Variants in DNAH11 observed in about 807,000 individuals in gnomAD.
DNAH11 encodes the protein dynein axonemal heavy chain 11.
DNAH11 carries 442 observed loss-of-function variants against 526.0 expected under a neutral mutation model. The observed-to-expected ratio is 0.84, with a 90% CI of 0.78 to 0.91. DNAH11 has a LOEUF of 0.91. DNAH11 is among the 40% of genes least tolerant of loss of function. The pLI is 0.00. For synonymous variants in DNAH11, 2,461 were observed against 1,935.9 expected (o/e 1.27, Z -7.12); for missense variants, 6,989 against 5,448.7 (o/e 1.28, Z -8.90).
At chr7:21,678,908 C>T (rs985499048) in intron 30 of DNAH11, among the ~76,000 whole-genome samples, 2 of 152,136 alleles carry the variant, frequency 1.3e-5, no homozygotes. Context: ...AAATCACTGT[C>T]TTGACAAGAT....
chr7:21,810,679 A>G (rs1789477621), intron 63 of DNAH11, among the ~76,000 whole-genome samples: 1 of 152,186 alleles, frequency 6.6e-6, no homozygotes, highest in South Asian at 2.1e-4. Context: ...CTTTCATCAG[A>G]ATACTCAAAG....
At chr7:21,586,783 A>T (rs1356527083) in intron 9 of DNAH11, among the ~76,000 whole-genome samples, 2 of 152,220 alleles carry the variant, frequency 1.3e-5, no homozygotes, top group African/African-American at 2.4e-5. Context: ...TTTCAGAGAA[A>T]ATACCTATAT....
chr7:21,819,151 T>A (rs1212053944), intron 65 of DNAH11, among the ~76,000 whole-genome samples: 1 of 152,150 alleles, frequency 6.6e-6, no homozygotes. Flanking sequence ...TTCACTGAGT[T>A]TCCTTCCCTC....
intron 45 of DNAH11, among the ~76,000 whole-genome samples, chr7:21,728,412 C>A (rs538264041): frequency 6.6e-6 from 1 of 152,034 alleles, no homozygotes; most frequent in Admixed American, 6.5e-5. Context: ...CAACCCACCA[C>A]CATGCCCGGC....
At position 21,624,624 on chromosome 7, in the gene DNAH11, T is replaced by C. The variant is rs150527820; in HGVS notation, c.4500+4546T>C. 1.7e-3 allele frequency among the ~76,000 whole-genome samples: 261 copies of C among 152,284 alleles called. 2 individuals carry two copies. Among genetic ancestry groups the C allele is most frequent in the Non-Finnish European group, 1.9e-3 (126 of 68,010 alleles). On this transcript the variant is annotated intron_variant, in intron 25 of 81. Coordinates refer to ENST00000409508, the MANE Select transcript of DNAH11 (RefSeq NM_001277115.2). Reference sequence around the variant, plus strand: ...GCATGAGAGTGGGCATCCTTATCTTTTTCCTGATTTTAGACAAAAAGCTTT... The same window carrying C: ...GCATGAGAGTGGGCATCCTTATCTTCTTCCTGATTTTAGACAAAAAGCTTT...
At chr7:21,759,355 AG>A (rs2128495855) in intron 54 of DNAH11, among the ~76,000 whole-genome samples, 1 of 152,368 alleles carries the variant, frequency 6.6e-6, no homozygotes, top group East Asian at 1.9e-4. Flanking sequence ...GCTATCTAAA[AG>A]GGAAATAAAT....
At chr7:21,556,730 G>A (rs921373175) in intron 2 of DNAH11, among the ~76,000 whole-genome samples, 5 of 152,082 alleles carry the variant, frequency 3.3e-5, no homozygotes, top group Non-Finnish European at 7.3e-5. Flanking sequence ...TTGTGCCCAT[G>A]TGTACTCAAT....
rs959583160 is a variant in DNAH11 at position 21,774,019 on chromosome 7, T to C, written c.9336+20T>C. The C allele has an allele frequency of 1.3e-6, 2 of 1,517,210 alleles. No homozygotes were observed. The highest frequency in any genetic ancestry group is 1.8e-6 in the Non-Finnish European group (2 of 1,131,234). The allele number at this position is 1,517,210 out of a possible 1,614,324, so 94.0% of individuals were successfully genotyped here. A position where few individuals can be genotyped will look rare whatever the true frequency, so the allele number is the denominator to read the frequency against. On this transcript the variant is annotated intron_variant, in intron 56 of 81. Coordinates refer to ENST00000409508, the MANE Select transcript of DNAH11 (RefSeq NM_001277115.2). ...TCTCAGGTATGACCAGGATGTGTTA[T>C]TACTGAGTAATATTTATGCTGTTTA...
chr7:21,566,717 T>A (rs1279032968), intron 6 of DNAH11, among the ~76,000 whole-genome samples: 1 of 152,164 alleles, frequency 6.6e-6, no homozygotes, highest in South Asian at 2.1e-4. Flanking sequence ...TAAGTTTTTT[T>A]AATGTCTGAA....
intron 8 of DNAH11, among the ~76,000 whole-genome samples, chr7:21,574,326 C>T (rs1159046577): frequency 6.6e-6 from 1 of 152,104 alleles, no homozygotes; most frequent in Non-Finnish European, 1.5e-5. Flanking sequence ...TAATGAGAGC[C>T]AGTTAATATT....
At chr7:21,824,853 C>T (rs556443677) in intron 65 of DNAH11, among the ~76,000 whole-genome samples, 1 of 152,136 alleles carries the variant, frequency 6.6e-6, no homozygotes. Flanking sequence ...CCTTCTGGCT[C>T]TAGTTCTTGC....
chr7:21,856,431 G>C (rs533427627), intron 68 of DNAH11, among the ~76,000 whole-genome samples: 66 of 152,322 alleles, frequency 4.3e-4, no homozygotes, highest in Non-Finnish European at 8.4e-4. Flanking sequence ...TGTGGTTGGA[G>C]TTTGAAAGTA....
At chr7:21,625,115 GTTC>G (rs1786267361) in intron 25 of DNAH11, among the ~76,000 whole-genome samples, 1 of 151,968 alleles carries the variant, frequency 6.6e-6, no homozygotes, top group African/African-American at 2.4e-5. Context: ...GTTAGTATTA[GTTC>G]TTCTTTAAAT....
chr7:21,543,368 CGAG>C lies in DNAH11; in HGVS notation c.131_133del (p.Glu44del), dbSNP rs1782659889. ...TGGAGCTCGAGGAGGAGGAGGAGAA[CGAG>C]GAGGAGGCGGCGGCCAGGAGAGCGC... On this transcript the variant is annotated inframe_deletion, in exon 1 of 82. Transcript: ENST00000409508. 5 of 1,551,690 alleles carry C rather than the reference CGAG, an allele frequency of 3.2e-6. No homozygotes were observed. The highest frequency in any genetic ancestry group is 1.4e-5 in the African/African-American group (1 of 73,202).
intron 34 of DNAH11, 121 bp downstream of exon 34, chr7:21,687,648 C>G: frequency 1.6e-6 from 2 of 1,279,170 alleles, no homozygotes; most frequent in African/African-American, 1.5e-5. Context: ...AAGGAAGATT[C>G]TGGTCGATTT....
intron 2 of DNAH11, among the ~76,000 whole-genome samples, chr7:21,553,529 G>C (rs544643814): frequency 6.6e-6 from 1 of 152,262 alleles, no homozygotes; most frequent in East Asian, 1.9e-4. Flanking sequence ...GATTTATTCA[G>C]GATTCCTGGT....
chr7:21,658,560 G>T (rs1217673924), intron 29 of DNAH11, among the ~76,000 whole-genome samples: 1 of 152,088 alleles, frequency 6.6e-6, no homozygotes, highest in African/African-American at 2.4e-5. Context: ...TTAGCCAGCT[G>T]GTGGGTAAAG....
chr7:21,839,390 T>A (rs943737266), intron 65 of DNAH11, among the ~76,000 whole-genome samples: 1 of 151,866 alleles, frequency 6.6e-6, no homozygotes, highest in African/African-American at 2.4e-5. Flanking sequence ...CTGGACAACA[T>A]GGTGAAACCC....
intron 45 of DNAH11, among the ~76,000 whole-genome samples, chr7:21,734,382 T>A (rs540747657): frequency 3.4e-4 from 52 of 152,318 alleles, no homozygotes; most frequent in Middle Eastern, 3.4e-3. Context: ...AAGCAAATGA[T>A]GACAACTAGC....
Sources: allele counts gnomAD v4.1 joint callset (sites outside exome capture counted in the v4.1 genomes callset), GRCh38; gene constraint gnomAD v4.1.1; transcripts MANE v1.5; gene names NCBI Gene and HGNC (gene_info 2026-07-23, HGNC 2026-07-21).